The following MYO15A variants were observed in gnomAD, a reference collection of about 807,000 sequenced individuals.
The protein encoded by MYO15A is unconventional myosin-XV.
Under a neutral mutation model 394.6 loss-of-function variants are expected in MYO15A, and 308 were observed. The ratio of observed to expected loss-of-function variants is 0.78; its 90% CI spans 0.71 to 0.86. The LOEUF is 0.86. Among genes scored for constraint, MYO15A ranks in the 40% least tolerant of loss-of-function variants. The pLI, the probability that MYO15A is intolerant of heterozygous loss-of-function variation, is 0.00. For missense variants in MYO15A, 4,606 were observed against 4,799.1 expected (o/e 0.96, Z 1.19); for synonymous variants, 1,957 against 2,003.8 (o/e 0.98, Z 0.62).
chr17:18,111,648 T>C (rs953207205), intron 1 of MYO15A, among the ~76,000 whole-genome samples: 2 of 152,220 alleles, frequency 1.3e-5, no homozygotes, highest in Non-Finnish European at 2.9e-5. Context: ...AGGTCAAGCC[T>C]GGGACCCAGA....
intron 65 of MYO15A, chr17:18,177,087 T>A (rs1297937272): frequency 6.6e-6 from 1 of 152,320 alleles, no homozygotes; most frequent in Non-Finnish European, 1.5e-5. Flanking sequence ...GACCTCCTTA[T>A]GCTGCCCTCT....
chr17:18,142,699 T>A, intron 24 of MYO15A, 57 bp from the exon 25 acceptor site: 1 of 1,488,014 alleles, frequency 6.7e-7, no homozygotes, highest in Non-Finnish European at 9.3e-7. Flanking sequence ...CTCTACCTTT[T>A]GGTCACCCTG....
At chr17:18,165,491 T>A (rs1040395406) in intron 60 of MYO15A, among the ~76,000 whole-genome samples, 1 of 152,346 alleles carries the variant, frequency 6.6e-6, no homozygotes, top group South Asian at 2.1e-4. Flanking sequence ...CAGCCTCTGC[T>A]TCTGGTCTCA....
intron 64 of MYO15A, chr17:18,173,538 T>C (rs770243447): frequency 1.2e-5 from 7 of 573,354 alleles, no homozygotes; most frequent in Admixed American, 2.6e-5. Flanking sequence ...CTTAGAACAG[T>C]GCCTGGTACA....
chr17:18,176,191 C>T (rs1209967296), intron 65 of MYO15A, among the ~76,000 whole-genome samples: 5 of 152,156 alleles, frequency 3.3e-5, no homozygotes, highest in Admixed American at 6.5e-5. Flanking sequence ...AAGGAATATC[C>T]GAGGCTGCAT....
intron 5 of MYO15A, 118 bp from the exon 6 acceptor site, chr17:18,126,673 A>G (rs967369118): frequency 9.4e-6 from 12 of 1,278,686 alleles, no homozygotes; most frequent in African/African-American, 7.3e-5. Context: ...CATTCCCCCA[A>G]CAGGGTGAGG....
rs2142249619 is a variant in MYO15A, at chr17:18,120,631, G to C, written c.1831G>C (p.Gly611Arg). Residue 611 changes from glycine (G) to arginine (R), a missense_variant, in exon 2 of 66, where the codon GGC becomes CGC. Physicochemically the swap from Gly to Arg is moderately radical, Grantham distance 125 (BLOSUM62 -2). Coordinates refer to ENST00000647165, the MANE Select transcript of MYO15A (RefSeq NM_016239.4). The part of the protein sequence containing the change: ...AVREAAYKRF[G>R]YKLAGMDPEK... ...CAGGGAGGCGGCCTACAAACGCTTC[G>C]GCTACAAGCTGGCTGGCATGGACCC... 1 of 1,596,760 alleles carries C rather than the reference G, an allele frequency of 6.3e-7. No individual in the cohort carries two copies. The highest frequency in any genetic ancestry group is 8.5e-7 in the Non-Finnish European group (1 of 1,174,476).
intron 1 of MYO15A, chr17:18,110,172 G>A (rs1163864215): frequency 6.6e-6 from 1 of 152,108 alleles, no homozygotes; most frequent in Non-Finnish European, 1.5e-5. Flanking sequence ...AAGACTACTT[G>A]TCTCCACCCT....
rs761436203 is a variant in MYO15A at position 18,119,899 on chromosome 17, C to T, written c.1099C>T (p.Pro367Ser). ...DLPYHTPYDV[P>S]YFDPYGVHYT... Reference sequence around the variant, plus strand: ...CCCATACCACACTCCCTACGATGTACCCTACTTTGATCCCTACGGAGTCCA... The same window carrying T: ...CCCATACCACACTCCCTACGATGTATCCTACTTTGATCCCTACGGAGTCCA... The change falls in exon 2 of 66, where the codon CCC becomes TCC. Residue 367 changes from proline to serine, a missense_variant. Pro to Ser is a moderately conservative substitution (Grantham distance 74, BLOSUM62 -1). Coordinates refer to ENST00000647165, the MANE Select transcript of MYO15A (RefSeq NM_016239.4). The T allele has an allele frequency of 6.2e-7, 1 of 1,613,228 alleles. No individual in the cohort carries two copies. The highest frequency in any genetic ancestry group is 1.3e-5 in the African/African-American group (1 of 74,914).
intron 2 of MYO15A, 151 bp downstream of exon 2, chr17:18,122,560 G>C: frequency 4.1e-6 from 5 of 1,207,668 alleles, no homozygotes; most frequent in Non-Finnish European, 5.6e-6. Context: ...AGAACAGCCT[G>C]GACCTCCCAG....
Position 18,153,917 on chromosome 17 carries a change from C to T in MYO15A, c.8088+21C>T, listed in dbSNP as rs775124823. The T allele has an allele frequency of 4.3e-6, 7 of 1,613,228 alleles. No homozygotes were observed. In the South Asian group the frequency reaches 6.6e-5, roughly 15 times the overall value. On this transcript the variant is annotated intron_variant, in intron 43 of 65. Coordinates refer to ENST00000647165, the MANE Select transcript of MYO15A (RefSeq NM_016239.4). This position sits in a 1 kb window ranked among gnomAD's most constrained non-coding sequence, Gnocchi z 4.1. Reference sequence around the variant, plus strand: ...AAGAGGTGCCGAGCACAGCCGTAGCCAGGGGAGGGGCTGAAGCGGGGCAGG... The same window carrying T: ...AAGAGGTGCCGAGCACAGCCGTAGCTAGGGGAGGGGCTGAAGCGGGGCAGG...
Position 18,150,848 on chromosome 17 carries a change from AC to A in MYO15A, c.7411del (p.Leu2471CysfsTer11). On this transcript the variant is annotated frameshift_variant, in exon 38 of 66. Transcript: ENST00000647165. LOFTEE classifies it high-confidence loss of function. This position sits in a 1 kb window ranked among gnomAD's most constrained non-coding sequence, Gnocchi z 4.4. ...KQAVLLAREM[T>X]LQATALQQQP... ...CACCTCTCCCCAGGCCCGGGAGATG[AC>A]CCTGCAGGCCACGGCACTCCAGCAG... 1 of 1,595,372 alleles carries A rather than the reference AC, an allele frequency of 6.3e-7. No individual in the cohort carries two copies. The highest frequency in any genetic ancestry group is 1.7e-5 in the Admixed American group (1 of 57,272).
intron 48 of MYO15A, among the ~76,000 whole-genome samples, chr17:18,156,551 C>T (rs561734184): frequency 6.6e-5 from 10 of 152,360 alleles, no homozygotes; most frequent in African/African-American, 2.2e-4. Flanking sequence ...CACAGCACCT[C>T]CTCTGAGGTC....
intron 16 of MYO15A, 24 bp from the exon 17 acceptor site, chr17:18,138,091 G>GCTCCTGCTGCCCA: frequency 1.9e-6 from 3 of 1,605,814 alleles, no homozygotes; most frequent in Non-Finnish European, 1.7e-6. Flanking sequence ...GGGAGGTTGA[G>GCTCCTGCTGCCCA]CTCCTGCTGC....
chr17:18,155,904 G>A, intron 47 of MYO15A: 1 of 486,010 alleles, frequency 2.1e-6, no homozygotes, highest in Non-Finnish European at 3.8e-6. Context: ...TTTGGTCAAT[G>A]GGTGAAAGAG....
chr17:18,176,159 T>C (rs1057331416), intron 65 of MYO15A, among the ~76,000 whole-genome samples: 1 of 152,174 alleles, frequency 6.6e-6, no homozygotes, highest in African/African-American at 2.4e-5. Context: ...CTCCTTATAT[T>C]AGTCTGTTTT....
In MYO15A at chr17:18,147,919, C is replaced by T; in HGVS notation, c.6510-110C>T. 7.3e-7 allele frequency: 1 copy of T among 1,377,424 alleles called. No homozygotes were observed. Among genetic ancestry groups the T allele is most frequent in the South Asian group, 1.2e-5 (1 of 84,284 alleles). 85.3% of individuals were successfully genotyped at this position (1,377,424 alleles called of 1,614,324 possible). On this transcript the variant is annotated intron_variant, in intron 30 of 65. Transcript: ENST00000647165. The surrounding 1 kb of genome is among the most constrained non-coding windows in gnomAD (Gnocchi z 4.4). ...CCTCACCTTGGAGCTCTGGAGTAGCCTGGGCCTTTCTCAGACTAGCCTCAG... is the reference window on the plus strand; with the variant it reads ...CCTCACCTTGGAGCTCTGGAGTAGCTTGGGCCTTTCTCAGACTAGCCTCAG...
chr17:18,145,777 C>T (rs1401484286), intron 29 of MYO15A, 95 bp from the exon 30 acceptor site: 1 of 1,045,150 alleles, frequency 9.6e-7, no homozygotes, highest in East Asian at 2.5e-5. Flanking sequence ...GGCAGGGGCA[C>T]ACATGGGAGG....
chr17:18,129,535 A>C (rs573471458), intron 7 of MYO15A, among the ~76,000 whole-genome samples: 2 of 152,254 alleles, frequency 1.3e-5, no homozygotes. Context: ...CCAAAATTAC[A>C]GGTATTGTTT....
Sources: allele counts gnomAD v4.1 joint callset (sites outside exome capture counted in the v4.1 genomes callset), GRCh38; gene constraint gnomAD v4.1.1; non-coding constraint Gnocchi (gnomAD v3.1); transcripts MANE v1.5; gene names NCBI Gene and HGNC (gene_info 2026-07-23, HGNC 2026-07-21).